TLL1: variants seen among roughly 807,000 people sequenced by gnomAD.
The protein encoded by TLL1 is tolloid-like protein 1.
In TLL1, 49 loss-of-function variants were observed where a neutral mutation model predicts 128.2. That is an observed-to-expected ratio of 0.38 (90% CI 0.30 to 0.48). The LOEUF is 0.48. Ranked by LOEUF, TLL1 falls within the 20% of genes least tolerant of loss-of-function variation. The pLI, the probability that TLL1 is intolerant of heterozygous loss-of-function variation, is 0.96. For synonymous variants in TLL1, 454 were observed against 418.8 expected (o/e 1.08, Z -1.03); for missense variants, 1,123 against 1,242.0 (o/e 0.90, Z 1.44).
At chr4:165,920,588 CT>C in intron 1 of TLL1, among the ~76,000 whole-genome samples, 1 of 152,160 alleles carries the variant, frequency 6.6e-6, no homozygotes. Flanking sequence ...ATAAGGCAAC[CT>C]AATTTGATGC....
rs779349061 is a variant in TLL1 at position 166,075,014 on chromosome 4, G to C, written c.2314+11G>C. On this transcript the variant is annotated intron_variant, in intron 17 of 20. Transcript: ENST00000061240. ...ATGATTGCAAGGAAGGTATGGAACG[G>C]AATACACTTTTTTTGACAACATGTA... 1 of 1,612,692 alleles carries C rather than the reference G, an allele frequency of 6.2e-7. No homozygotes were observed. The highest frequency in any genetic ancestry group is 8.5e-7 in the Non-Finnish European group (1 of 1,179,184).
intron 1 of TLL1, among the ~76,000 whole-genome samples, chr4:165,965,253 A>G (rs905536903): frequency 1.4e-4 from 21 of 152,142 alleles, no homozygotes; most frequent in Non-Finnish European, 2.6e-4. Context: ...ATAATTTTTG[A>G]TGAGGTTATA....
chr4:166,036,056 G>C (rs940374215), intron 9 of TLL1, among the ~76,000 whole-genome samples: 1 of 152,112 alleles, frequency 6.6e-6, no homozygotes, highest in Non-Finnish European at 1.5e-5. Context: ...TGTACATTCT[G>C]TATCTTCAGC....
At chr4:165,982,477 G>A (rs946800846) in intron 1 of TLL1, among the ~76,000 whole-genome samples, 8 of 151,814 alleles carry the variant, frequency 5.3e-5, no homozygotes, top group African/African-American at 1.9e-4. Flanking sequence ...ATTTTGGGAA[G>A]TTTATTTCGC....
intron 15 of TLL1, among the ~76,000 whole-genome samples, chr4:166,064,298 A>G (rs1233059668): frequency 2.0e-5 from 3 of 152,118 alleles, no homozygotes; most frequent in Admixed American, 2.0e-4. Flanking sequence ...ATCTACTCCC[A>G]TAGTTTTCCC....
intron 1 of TLL1, among the ~76,000 whole-genome samples, chr4:165,969,154 G>A (rs370507254): frequency 5.9e-5 from 9 of 152,078 alleles, no homozygotes; most frequent in East Asian, 3.9e-4. Flanking sequence ...ACCGTGGGAC[G>A]TTTTTCTTTG....
chr4:166,086,560 C>T (rs1366515902), intron 18 of TLL1, among the ~76,000 whole-genome samples: 4 of 152,082 alleles, frequency 2.6e-5, no homozygotes, highest in Non-Finnish European at 5.9e-5. Flanking sequence ...ACCATAGCAC[C>T]TACACATGAC....
intron 1 of TLL1, among the ~76,000 whole-genome samples, chr4:165,981,169 C>A (rs1736135203): frequency 6.6e-6 from 1 of 151,938 alleles, no homozygotes; most frequent in Non-Finnish European, 1.5e-5. Flanking sequence ...CCCCATGGTT[C>A]TTCTTGTTTT....
Position 166,065,672 on chromosome 4 carries a change from T to G in TLL1, c.2008-11T>G, listed in dbSNP as rs199621174. The G allele has an allele frequency of 2.2e-5, 36 of 1,612,148 alleles. No individual in the cohort carries two copies. The highest frequency in any genetic ancestry group is 2.9e-5 in the Non-Finnish European group (34 of 1,178,896). The stretch of plus-strand genomic sequence containing the variant: ...ACAAATCTGGCAACTGATAACCACA[T>G]TTTTTTCTAGGTTTGCAAATATGAT... On this transcript the variant is annotated splice_polypyrimidine_tract_variant and intron_variant, in intron 15 of 20. Coordinates refer to ENST00000061240, the MANE Select transcript of TLL1 (RefSeq NM_012464.5).
intron 2 of TLL1, among the ~76,000 whole-genome samples, chr4:165,992,074 T>C (rs1048958463): frequency 6.6e-6 from 1 of 152,018 alleles, no homozygotes; most frequent in Non-Finnish European, 1.5e-5. Context: ...CTAGGTTTTG[T>C]TGGTAAAATT....
intron 1 of TLL1, among the ~76,000 whole-genome samples, chr4:165,971,657 G>A (rs543415438): frequency 1.1e-4 from 17 of 152,302 alleles, no homozygotes; most frequent in South Asian, 4.1e-4. Context: ...TTCTCAGTGC[G>A]TCACTGGGAG....
intron 1 of TLL1, among the ~76,000 whole-genome samples, chr4:165,876,720 A>G (rs920370417): frequency 1.3e-5 from 2 of 152,208 alleles, no homozygotes; most frequent in African/African-American, 2.4e-5. Flanking sequence ...CTCAATTCCA[A>G]GTTTCCTGGC....
intron 8 of TLL1, among the ~76,000 whole-genome samples, chr4:166,020,295 T>C (rs776194879): frequency 6.6e-6 from 1 of 152,234 alleles, no homozygotes; most frequent in Non-Finnish European, 1.5e-5. Context: ...TAGTAGCTAA[T>C]GCTACTTGCC....
intron 8 of TLL1, 110 bp downstream of exon 8, chr4:166,014,670 T>G: frequency 2.6e-6 from 4 of 1,519,020 alleles, no homozygotes; most frequent in Non-Finnish European, 3.6e-6. Flanking sequence ...TGTTGGCAAG[T>G]GACGTGTACA....
intron 1 of TLL1, among the ~76,000 whole-genome samples, chr4:165,916,896 G>GA: frequency 6.6e-6 from 1 of 152,138 alleles, no homozygotes; most frequent in Non-Finnish European, 1.5e-5. Context: ...TATTAATGAT[G>GA]AAAAAAGGCA....
chr4:166,055,044 C>A lies in TLL1; in HGVS notation c.1525-32C>A, dbSNP rs1560839122. 1.9e-6 allele frequency: 3 copies of A among 1,578,140 alleles called. No homozygotes were observed. In the South Asian group the frequency reaches 3.4e-5, roughly 18 times the overall value. On this transcript the variant is annotated intron_variant, in intron 12 of 20. Transcript: ENST00000061240. The stretch of plus-strand genomic sequence containing the variant: ...CTATATAAAATGTTTTATCTATAAA[C>A]ATATATTTTCACATATTTTTTTCTG...
At chr4:165,878,026 T>G (rs1730797975) in intron 1 of TLL1, among the ~76,000 whole-genome samples, 1 of 152,096 alleles carries the variant, frequency 6.6e-6, no homozygotes, top group Admixed American at 6.5e-5. Flanking sequence ...AGAAATAGGC[T>G]TTTGGCATTT....
chr4:165,923,845 A>G (rs573983752), intron 1 of TLL1, among the ~76,000 whole-genome samples: 2 of 152,200 alleles, frequency 1.3e-5, no homozygotes, highest in South Asian at 4.2e-4. Context: ...TTTTCTAACA[A>G]TATGAGCTCG....
At chr4:165,899,435 T>C (rs1421567118) in intron 1 of TLL1, among the ~76,000 whole-genome samples, 2 of 152,200 alleles carry the variant, frequency 1.3e-5, no homozygotes, top group African/African-American at 2.4e-5. Context: ...TTGTTCTCAT[T>C]GGTTTCAAAG....
Sources: gnomAD v4.1 joint callset for allele counts (sites outside exome capture counted in the v4.1 genomes callset) on GRCh38, gnomAD v4.1.1 for gene constraint, MANE v1.5 for transcripts, NCBI Gene and HGNC (gene_info 2026-07-23, HGNC 2026-07-21) for gene names.